Variants in DPP6 observed in about 807,000 individuals in gnomAD.
The protein encoded by DPP6 is dipeptidyl peptidase like 6, also known as A-type potassium channel modulatory protein DPP6.
DPP6 carries 69 observed loss-of-function variants against 122.6 expected under a neutral mutation model. The observed-to-expected ratio is 0.56, with a 90% CI of 0.46 to 0.69. The LOEUF (loss-of-function observed/expected upper bound fraction) is 0.69. Ranked by LOEUF, DPP6 falls within the 30% of genes least tolerant of loss-of-function variation. The pLI, the probability that DPP6 is intolerant of heterozygous loss-of-function variation, is 0.00. For synonymous variants in DPP6, 418 were observed against 433.1 expected, an observed-to-expected ratio of 0.97 and a Z score of 0.43; for missense variants, 928 against 1,116.9, an observed-to-expected ratio of 0.83 and a Z score of 2.41.
chr7:154,867,766 G>A (rs1337705843), intron 17 of DPP6, among the ~76,000 whole-genome samples: 1 of 152,140 alleles, frequency 6.6e-6, no homozygotes, highest in Admixed American at 6.5e-5. Context: ...CTAAGACGGT[G>A]GGGAGAATCT....
At chr7:153,973,212 T>C in intron 1 of DPP6, among the ~76,000 whole-genome samples, 1 of 152,184 alleles carries the variant, frequency 6.6e-6, no homozygotes, top group African/African-American at 2.4e-5. Flanking sequence ...TATTTAAGCA[T>C]TCATTCTTTA....
chr7:154,723,729 G>T (rs925105598), intron 7 of DPP6, among the ~76,000 whole-genome samples: 2 of 152,152 alleles, frequency 1.3e-5, no homozygotes, highest in African/African-American at 4.8e-5. Flanking sequence ...CCATATTCAT[G>T]CCATTTCCTG....
At chr7:153,808,966 C>T in the DPP6 span, among the ~76,000 whole-genome samples, 1 of 151,826 alleles carries the variant, frequency 6.6e-6, no homozygotes, top group Admixed American at 6.6e-5. Flanking sequence ...TTTTGTGGAA[C>T]CTCCATACTA....
chr7:154,829,194 G>A (rs1417879580), intron 16 of DPP6, among the ~76,000 whole-genome samples: 9 of 144,578 alleles, frequency 6.2e-5, no homozygotes, highest in African/African-American at 2.0e-4. Flanking sequence ...ACCAGCCTGG[G>A]CAACATGGCA....
chr7:153,934,931 G>A (rs923316753), intron 1 of DPP6, among the ~76,000 whole-genome samples: 1 of 151,806 alleles, frequency 6.6e-6, no homozygotes, highest in African/African-American at 2.4e-5. Flanking sequence ...CAGCACGTTT[G>A]GATGGAAATG....
chr7:154,851,471 T>A (rs2150573945), intron 16 of DPP6, among the ~76,000 whole-genome samples: 1 of 152,376 alleles, frequency 6.6e-6, no homozygotes, highest in Non-Finnish European at 1.5e-5. Context: ...GTTCTTTATT[T>A]TTCAATAACT....
At chr7:153,812,472 G>A in the DPP6 span, among the ~76,000 whole-genome samples, 1 of 152,034 alleles carries the variant, frequency 6.6e-6, no homozygotes, top group Admixed American at 6.6e-5. Flanking sequence ...ACCCAGTTCT[G>A]CATGTGGCTA....
At chr7:154,110,252 C>T (rs1051578842) in intron 1 of DPP6, among the ~76,000 whole-genome samples, 11 of 152,028 alleles carry the variant, frequency 7.2e-5, no homozygotes, top group Non-Finnish European at 1.6e-4. Flanking sequence ...TTGTTCAATT[C>T]CATCCAACTA....
intron 1 of DPP6, among the ~76,000 whole-genome samples, chr7:154,118,219 T>C (rs1213451333): frequency 6.6e-6 from 1 of 150,990 alleles, no homozygotes; most frequent in Non-Finnish European, 1.5e-5. Flanking sequence ...GGGAGCTGCA[T>C]GTCATGTAGT....
intron 1 of DPP6, among the ~76,000 whole-genome samples, chr7:154,395,211 T>G (rs1476680914): frequency 2.0e-5 from 3 of 152,184 alleles, no homozygotes. Context: ...GTCTCTAATC[T>G]TATCCGTGAA....
At chr7:154,735,118 G>A (rs11762936) in intron 8 of DPP6, among the ~76,000 whole-genome samples, 15,090 of 152,210 alleles carry the variant, frequency 0.099, 1,045 homozygotes, top group Middle Eastern at 0.15. Flanking sequence ...ATTATCTGTA[G>A]TATGTTCACA....
chr7:154,167,908 G>A (rs762266042), intron 1 of DPP6, among the ~76,000 whole-genome samples: 13 of 152,204 alleles, frequency 8.5e-5, no homozygotes, highest in Non-Finnish European at 1.3e-4. Flanking sequence ...AATGCTGCTT[G>A]TGTCTTATCC....
At chr7:153,754,285 T>G in the DPP6 span, among the ~76,000 whole-genome samples, 1 of 152,208 alleles carries the variant, frequency 6.6e-6, no homozygotes, top group Admixed American at 6.5e-5. Flanking sequence ...ATTTTTACTT[T>G]GATTTCATCC....
intron 1 of DPP6, among the ~76,000 whole-genome samples, chr7:153,891,224 A>G (rs192071512): frequency 6.7e-6 from 1 of 148,682 alleles, no homozygotes; most frequent in African/African-American, 2.5e-5. Flanking sequence ...GGGTTTCGCC[A>G]TGTTAGCCAG....
chr7:154,650,898 A>C (rs2130991456), intron 6 of DPP6, among the ~76,000 whole-genome samples: 1 of 152,276 alleles, frequency 6.6e-6, no homozygotes, highest in South Asian at 2.1e-4. Flanking sequence ...TCTACAATTA[A>C]CCTTTTCATT....
intron 1 of DPP6, among the ~76,000 whole-genome samples, chr7:154,303,763 C>G (rs901906160): frequency 3.3e-5 from 5 of 152,188 alleles, no homozygotes; most frequent in Non-Finnish European, 7.3e-5. Context: ...ACCCAGACTT[C>G]TTAGAGTCTG....
chr7:153,796,940 CA>C, the DPP6 span, among the ~76,000 whole-genome samples: 1 of 152,192 alleles, frequency 6.6e-6, no homozygotes, highest in Non-Finnish European at 1.5e-5. Context: ...AACTGGGTTA[CA>C]AGAAGACTAT....
At chr7:154,147,445 AT>A (rs1448000434) in intron 1 of DPP6, among the ~76,000 whole-genome samples, 3 of 127,000 alleles carry the variant, frequency 2.4e-5, no homozygotes, top group Non-Finnish European at 4.9e-5. Context: ...CACTTTATTC[AT>A]TTCCTTCCTT....
intron 1 of DPP6, among the ~76,000 whole-genome samples, chr7:154,333,886 C>CA (rs1176398584): frequency 6.6e-6 from 1 of 151,934 alleles, no homozygotes; most frequent in African/African-American, 2.4e-5. Flanking sequence ...CAGTCATGGA[C>CA]AAAACTGGAA....
Sources: gnomAD v4.1 joint callset for allele counts (sites outside exome capture counted in the v4.1 genomes callset) on GRCh38, gnomAD v4.1.1 for gene constraint, MANE v1.5 for transcripts, NCBI Gene and HGNC (gene_info 2026-07-23, HGNC 2026-07-21) for gene names.